Variants in ANTXR2 observed in about 807,000 individuals in gnomAD.
ANTXR2 encodes anthrax toxin receptor 2.
ANTXR2 carries 44 observed loss-of-function variants against 73.7 expected under a neutral mutation model. That is an observed-to-expected ratio of 0.60 (90% CI 0.47 to 0.77). ANTXR2 has a LOEUF of 0.77. Among genes scored for constraint, ANTXR2 ranks in the 30% least tolerant of loss-of-function variants. The probability of loss-of-function intolerance (pLI) is 0.00; values close to 1 mark genes in which losing one functional copy is unlikely to be tolerated. For synonymous variants in ANTXR2, 217 were observed against 205.9 expected (o/e 1.05, Z -0.46); for missense variants, 604 against 592.5 (o/e 1.02, Z -0.20).
chr4:80,054,584 T>G (rs1733908601), intron 6 of ANTXR2, among the ~76,000 whole-genome samples: 1 of 127,804 alleles, frequency 7.8e-6, no homozygotes, highest in Admixed American at 8.7e-5. Flanking sequence ...TGGCCCCAAG[T>G]GCAATTTCAA....
At chr4:79,983,467 C>G (rs1239855056) in intron 14 of ANTXR2, among the ~76,000 whole-genome samples, 1 of 152,104 alleles carries the variant, frequency 6.6e-6, no homozygotes, top group Non-Finnish European at 1.5e-5. Context: ...GTGATAAAGT[C>G]AGATCCACGC....
At chr4:80,044,605 G>A (rs1454158622) in intron 7 of ANTXR2, among the ~76,000 whole-genome samples, 2 of 151,838 alleles carry the variant, frequency 1.3e-5, no homozygotes, top group Admixed American at 6.6e-5. Flanking sequence ...CTATGAGCTA[G>A]ACCTTAGGAC....
chr4:80,062,043 C>A (rs769005362), intron 3 of ANTXR2, among the ~76,000 whole-genome samples: 2 of 152,130 alleles, frequency 1.3e-5, no homozygotes, highest in Non-Finnish European at 2.9e-5. Context: ...CTAATACATT[C>A]TAAAATCTTG....
At chr4:79,927,543 G>A (rs1389890190) in intron 16 of ANTXR2, among the ~76,000 whole-genome samples, 2 of 152,106 alleles carry the variant, frequency 1.3e-5, no homozygotes. Context: ...CACTTATAGT[G>A]TCTAATACAA....
intron 16 of ANTXR2, among the ~76,000 whole-genome samples, chr4:79,931,733 A>G (rs1728067298): frequency 6.6e-6 from 1 of 152,210 alleles, no homozygotes; most frequent in African/African-American, 2.4e-5. Flanking sequence ...AACAATAGAA[A>G]TTCTCAAGCA....
chr4:79,934,965 G>T (rs1037036285), intron 16 of ANTXR2, among the ~76,000 whole-genome samples: 1 of 152,008 alleles, frequency 6.6e-6, no homozygotes. Flanking sequence ...AACTGGGAGG[G>T]ATAGCATTAG....
intron 16 of ANTXR2, among the ~76,000 whole-genome samples, chr4:79,956,253 T>C (rs1051170233): frequency 2.6e-5 from 4 of 152,174 alleles, no homozygotes; most frequent in African/African-American, 7.2e-5. Flanking sequence ...GTCAAATATA[T>C]GTGTATCAGT....
chr4:80,055,552 G>T, intron 4 of ANTXR2, 85 bp from the exon 5 acceptor site: 1 of 1,145,712 alleles, frequency 8.7e-7, no homozygotes, highest in Non-Finnish European at 1.3e-6. Context: ...TTGTAAGTCT[G>T]ACAAAATCAA....
chr4:80,040,028 G>C (rs1258809741), intron 7 of ANTXR2, among the ~76,000 whole-genome samples: 1 of 151,892 alleles, frequency 6.6e-6, no homozygotes, highest in African/African-American at 2.4e-5. Context: ...TAAAACCAAA[G>C]ACTGCACGTT....
chr4:79,963,172 A>G (rs1438538637), intron 16 of ANTXR2, among the ~76,000 whole-genome samples: 1 of 152,180 alleles, frequency 6.6e-6, no homozygotes, highest in Non-Finnish European at 1.5e-5. Context: ...GTAATCATTT[A>G]AGAAGCCACC....
chr4:80,020,504 C>T (rs950691654), intron 10 of ANTXR2, among the ~76,000 whole-genome samples: 1 of 152,172 alleles, frequency 6.6e-6, no homozygotes, highest in African/African-American at 2.4e-5. Flanking sequence ...CTATCCTAGG[C>T]ATTTTATGGG....
intron 8 of ANTXR2, 28 bp from the exon 9 acceptor site, chr4:80,033,598 T>A: frequency 6.7e-7 from 1 of 1,494,122 alleles, no homozygotes. Flanking sequence ...AATAAACATT[T>A]AATCACTGCT....
intron 16 of ANTXR2, among the ~76,000 whole-genome samples, chr4:79,915,305 G>C (rs1727300123): frequency 6.6e-6 from 1 of 152,120 alleles, no homozygotes; most frequent in South Asian, 2.1e-4. Flanking sequence ...TGACTTCACT[G>C]TCTCATTTTC....
chr4:79,936,667 A>C (rs773063705), intron 16 of ANTXR2, among the ~76,000 whole-genome samples: 1 of 152,228 alleles, frequency 6.6e-6, no homozygotes, highest in Non-Finnish European at 1.5e-5. Context: ...TCCTTTATTA[A>C]ACGTAAAAGG....
chr4:79,996,871 T>G (rs1265438060), intron 12 of ANTXR2, among the ~76,000 whole-genome samples: 3 of 151,974 alleles, frequency 2.0e-5, no homozygotes, highest in African/African-American at 7.2e-5. Flanking sequence ...TGCCAGAATT[T>G]TTTCCACTTA....
chr4:79,952,175 T>G (rs1377712783), intron 16 of ANTXR2, among the ~76,000 whole-genome samples: 2 of 150,484 alleles, frequency 1.3e-5, no homozygotes, highest in Non-Finnish European at 3.0e-5. Context: ...ATATATAAAC[T>G]ATTTGCTGTT....
intron 12 of ANTXR2, among the ~76,000 whole-genome samples, chr4:80,008,159 C>T (rs1731398668): frequency 1.3e-5 from 2 of 152,026 alleles, no homozygotes; most frequent in Admixed American, 6.6e-5. Context: ...ATTAAATGAG[C>T]ACTTAAAAAA....
intron 9 of ANTXR2, among the ~76,000 whole-genome samples, chr4:80,032,703 AT>A (rs1426405249): frequency 8.6e-5 from 13 of 151,874 alleles, no homozygotes; most frequent in Admixed American, 8.5e-4. Flanking sequence ...TACAATATAA[AT>A]TTTGAAGGGC....
chr4:79,981,307 A>G (rs1325193655), intron 14 of ANTXR2, among the ~76,000 whole-genome samples: 1 of 152,216 alleles, frequency 6.6e-6, no homozygotes, highest in Non-Finnish European at 1.5e-5. Context: ...TGCCAACTTA[A>G]CAGCATAAGA....
Sources: gnomAD v4.1 joint callset for allele counts (sites outside exome capture counted in the v4.1 genomes callset) on GRCh38, gnomAD v4.1.1 for gene constraint, MANE v1.5 for transcripts, NCBI Gene and HGNC (gene_info 2026-07-23, HGNC 2026-07-21) for gene names.